TECRL: variants seen among roughly 807,000 people sequenced by gnomAD.
TECRL encodes the protein trans-2,3-enoyl-CoA reductase like.
A neutral mutation model predicts 52.8 loss-of-function variants in TECRL; 63 were observed. That is an observed-to-expected ratio of 1.19 (90% CI 0.97 to 1.47). TECRL has a LOEUF of 1.47. Ranked by LOEUF, TECRL falls within the 40% of genes most tolerant of loss-of-function variation. The pLI is 0.00. For missense variants in TECRL, 482 were observed against 429.6 expected, an observed-to-expected ratio of 1.12 and a Z score of -1.08; for synonymous variants, 164 against 141.9, an observed-to-expected ratio of 1.16 and a Z score of -1.10.
At chr4:64,385,119 T>G (rs959439271) in intron 1 of TECRL, among the ~76,000 whole-genome samples, 1 of 152,144 alleles carries the variant, frequency 6.6e-6, no homozygotes, top group African/African-American at 2.4e-5. Context: ...CTCCAGTTCC[T>G]GCACAATCCT....
intron 2 of TECRL, among the ~76,000 whole-genome samples, chr4:64,372,566 T>C (rs149570013): frequency 3.3e-5 from 5 of 151,772 alleles, no homozygotes; most frequent in African/African-American, 1.2e-4. Context: ...ATTGTCACTG[T>C]ATAGAAAAGA....
chr4:64,322,584 C>T (rs1560498492), intron 4 of TECRL, 105 bp downstream of exon 4: 8 of 653,954 alleles, frequency 1.2e-5, no homozygotes, highest in South Asian at 4.9e-5. Context: ...ATACCTTTCA[C>T]TACATTTTGT....
At chr4:64,375,341 C>A in intron 1 of TECRL, 118 bp from the exon 2 acceptor site, 1 of 499,342 alleles carries the variant, frequency 2.0e-6, no homozygotes, top group South Asian at 3.2e-5. Context: ...ATTTTTGCTT[C>A]ATTTATCTTT....
At chr4:64,282,662 A>G (rs1261845282) in intron 9 of TECRL, among the ~76,000 whole-genome samples, 2 of 152,030 alleles carry the variant, frequency 1.3e-5, no homozygotes, top group African/African-American at 4.8e-5. Flanking sequence ...CCTGTAGTTT[A>G]TGAGTGTTCA....
chr4:64,358,468 AATAC>A (rs1720939189), intron 2 of TECRL, among the ~76,000 whole-genome samples: 1 of 151,774 alleles, frequency 6.6e-6, no homozygotes, highest in African/African-American at 2.4e-5. Context: ...TTTATGTGGA[AATAC>A]ATATAGAAAT....
intron 2 of TECRL, among the ~76,000 whole-genome samples, chr4:64,367,390 GAATAAAAT>G (rs1418272046): frequency 6.6e-6 from 1 of 151,786 alleles, no homozygotes; most frequent in Admixed American, 6.6e-5. Flanking sequence ...CCTAAAAGTT[GAATAAAAT>G]AATAAAATAA....
At chr4:64,386,689 T>A (rs973579447) in intron 1 of TECRL, among the ~76,000 whole-genome samples, 1 of 152,200 alleles carries the variant, frequency 6.6e-6, no homozygotes, top group Non-Finnish European at 1.5e-5. Flanking sequence ...TAAGAATTAC[T>A]ATTTCAAGCC....
At chr4:64,323,805 G>A (rs1395381907) in intron 3 of TECRL, among the ~76,000 whole-genome samples, 1 of 152,164 alleles carries the variant, frequency 6.6e-6, no homozygotes, top group African/African-American at 2.4e-5. Flanking sequence ...GTACTTAAAT[G>A]CATTGTAATG....
chr4:64,300,848 T>C (rs1723978436), intron 7 of TECRL, among the ~76,000 whole-genome samples: 1 of 151,028 alleles, frequency 6.6e-6, no homozygotes, highest in African/African-American at 2.4e-5. Flanking sequence ...TAATTGAATC[T>C]TCATAATAAT....
intron 1 of TECRL, chr4:64,397,902 G>GTT: frequency 6.6e-6 from 1 of 151,938 alleles, no homozygotes; most frequent in African/African-American, 2.4e-5. Context: ...AGAAATATGT[G>GTT]TGTGTGTGTG....
At chr4:64,359,788 T>G (rs1377618137) in intron 2 of TECRL, among the ~76,000 whole-genome samples, 2 of 152,052 alleles carry the variant, frequency 1.3e-5, no homozygotes, top group African/African-American at 2.4e-5. Context: ...GTAAATAGAA[T>G]CTCACCATTT....
At chr4:64,388,662 G>C (rs1723344215) in intron 1 of TECRL, among the ~76,000 whole-genome samples, 1 of 151,828 alleles carries the variant, frequency 6.6e-6, no homozygotes, top group South Asian at 2.1e-4. Context: ...CTAACATAAA[G>C]TATCTCTCCA....
At chr4:64,400,648 C>G (rs1340376017) in intron 1 of TECRL, among the ~76,000 whole-genome samples, 1 of 152,086 alleles carries the variant, frequency 6.6e-6, no homozygotes, top group Non-Finnish European at 1.5e-5. Flanking sequence ...TAGTACCATT[C>G]TCTTGGCACT....
chr4:64,295,365 T>C (rs1342712009), intron 8 of TECRL, among the ~76,000 whole-genome samples: 2 of 24,172 alleles, frequency 8.3e-5, no homozygotes, highest in East Asian at 0.016. Flanking sequence ...AATTTTGATA[T>C]AGGAGATGTT....
At chr4:64,304,330 C>T (rs1724202117) in intron 7 of TECRL, among the ~76,000 whole-genome samples, 1 of 151,938 alleles carries the variant, frequency 6.6e-6, no homozygotes, top group African/African-American at 2.4e-5. Flanking sequence ...AAATCAATGA[C>T]TCTTCACTTC....
chr4:64,368,790 C>T (rs759416369), intron 2 of TECRL, among the ~76,000 whole-genome samples: 4 of 152,068 alleles, frequency 2.6e-5, no homozygotes, highest in Non-Finnish European at 5.9e-5. Context: ...CCAAATTGCT[C>T]AGAGAACACT....
chr4:64,321,346 G>A (rs1717888292), intron 4 of TECRL, among the ~76,000 whole-genome samples: 1 of 151,924 alleles, frequency 6.6e-6, no homozygotes, highest in Non-Finnish European at 1.5e-5. Context: ...TAATTGTAAA[G>A]AAACAGCTCA....
intron 4 of TECRL, among the ~76,000 whole-genome samples, chr4:64,317,894 T>C (rs1717617360): frequency 1.3e-5 from 2 of 152,124 alleles, no homozygotes; most frequent in Non-Finnish European, 2.9e-5. Flanking sequence ...ATGAGCCTGA[T>C]AAGAACAGAT....
At chr4:64,339,550 A>G (rs963092838) in intron 2 of TECRL, among the ~76,000 whole-genome samples, 1 of 151,936 alleles carries the variant, frequency 6.6e-6, no homozygotes, top group Non-Finnish European at 1.5e-5. Context: ...GCTATGTCTA[A>G]TGTTCTTTCC....
Sources: allele counts gnomAD v4.1 joint callset (sites outside exome capture counted in the v4.1 genomes callset), GRCh38; gene constraint gnomAD v4.1.1; transcripts MANE v1.5; gene names NCBI Gene and HGNC (gene_info 2026-07-23, HGNC 2026-07-21).